The following PTCH1 variants were observed in gnomAD, a reference collection of about 807,000 sequenced individuals.
PTCH1 encodes protein patched homolog 1.
A neutral mutation model predicts 144.6 loss-of-function variants in PTCH1; 14 were observed. The ratio of observed to expected loss-of-function variants is 0.10; its 90% CI spans 0.06 to 0.15. The LOEUF is 0.15. Ranked by LOEUF, PTCH1 falls within the 10% of genes least tolerant of loss-of-function variation. The pLI, the probability that PTCH1 is intolerant of heterozygous loss-of-function variation, is 1.00. For synonymous variants in PTCH1, 833 were observed against 793.6 expected, an observed-to-expected ratio of 1.05 and a Z score of -0.83; for missense variants, 1,623 against 1,948.3, an observed-to-expected ratio of 0.83 and a Z score of 3.14.
At chr9:95,461,817 A>G (rs1279805054) in intron 16 of PTCH1, 39 bp downstream of exon 16, 1 of 1,613,024 alleles carries the variant, frequency 6.2e-7, no homozygotes, top group South Asian at 1.1e-5. Context: ...GCGGCCCCGC[A>G]GCCCTGGAAG....
intron 12 of PTCH1, chr9:95,473,964 A>G (rs1262712065): frequency 2.4e-6 from 1 of 424,272 alleles, no homozygotes; most frequent in Non-Finnish European, 4.7e-6. Flanking sequence ...TTTGAAACAG[A>G]AACACAAAAA....
chr9:95,506,330 G>A, intron 2 of PTCH1, 77 bp downstream of exon 2: 3 of 1,495,008 alleles, frequency 2.0e-6, no homozygotes, highest in Non-Finnish European at 2.7e-6. Flanking sequence ...GGCTCTAGGT[G>A]TGCGCTGGCG....
chr9:95,485,613 G>T, intron 3 of PTCH1, 72 bp downstream of exon 3: 1 of 1,570,298 alleles, frequency 6.4e-7, no homozygotes. Context: ...TAAAATAACG[G>T]GGCCTAAACC....
Position 95,459,684 on chromosome 9 carries a change from C to G in PTCH1, c.2803G>C (p.Ala935Pro), listed in dbSNP as rs1554691676. 6.2e-7 allele frequency: 1 copy of G among 1,614,202 alleles called. No individual in the cohort carries two copies. The highest frequency in any genetic ancestry group is 1.3e-5 in the African/African-American group (1 of 75,042). Residue 935 changes from alanine (A) to proline (P), a missense_variant, in exon 17 of 24, where the codon GCT becomes CCT. Around this residue, in one of 7 missense-constraint regions of PTCH1, gnomAD observed 504 missense variants for 679.3 expected, o/e 0.74. Coordinates refer to ENST00000331920, the MANE Select transcript of PTCH1 (RefSeq NM_000264.5). Reference sequence around the variant, plus strand: ...GGCCGGATGTTGGCCTGGGAGGCAGCATACGCGACGGGGTCGTTGCTGACC... The same window carrying G: ...GGCCGGATGTTGGCCTGGGAGGCAGGATACGCGACGGGGTCGTTGCTGACC... Reference protein sequence around the residue: ...AWVSNDPVAYAASQANIRPHR... With the variant: ...AWVSNDPVAYPASQANIRPHR...
upstream of PTCH1, among the ~76,000 whole-genome samples, chr9:95,509,663 TA>T (rs1164119546): frequency 6.6e-5 from 10 of 152,182 alleles, no homozygotes; most frequent in South Asian, 2.1e-4. Flanking sequence ...GGAAATGTAA[TA>T]TTTTTTTAAG....
chr9:95,498,242 G>A (rs536903255), intron 2 of PTCH1, among the ~76,000 whole-genome samples: 12 of 152,288 alleles, frequency 7.9e-5, no homozygotes, highest in African/African-American at 2.4e-4. Flanking sequence ...GCTGTGGTAT[G>A]GGGACTTGCT....
At position 95,443,254 on chromosome 9, in the gene PTCH1, C is replaced by T. The variant is rs183112519; in HGVS notation, c.*3139G>A. The T allele has an allele frequency of 4.6e-5, 7 of 152,156 alleles. No homozygotes were observed. Among genetic ancestry groups the T allele is most frequent in the African/African-American group, 1.2e-4 (5 of 41,528 alleles). 9.4% of individuals were successfully genotyped at this position (152,156 alleles called of 1,614,324 possible). A position where few individuals can be genotyped will look rare whatever the true frequency, so the allele number is the denominator to read the frequency against. On this transcript the variant is annotated 3_prime_UTR_variant, in exon 24 of 24. Coordinates refer to ENST00000331920, the MANE Select transcript of PTCH1 (RefSeq NM_000264.5). ...GCTTATACCCACTATTTATACAAAA[C>T]AAAAAGGAGGAAAACCTAAAACTCT... is the stretch of plus-strand genomic sequence containing the variant.
At chr9:95,492,918 A>G (rs911789680) in intron 2 of PTCH1, among the ~76,000 whole-genome samples, 5 of 152,158 alleles carry the variant, frequency 3.3e-5, no homozygotes. Flanking sequence ...ATGAAGGCAC[A>G]CAGAGAACAT....
intron 2 of PTCH1, among the ~76,000 whole-genome samples, chr9:95,499,359 A>G (rs940261821): frequency 1.1e-4 from 17 of 151,194 alleles, no homozygotes; most frequent in Non-Finnish European, 5.9e-5. Context: ...TTGAAATAAT[A>G]AATGTTCTCA....
At chr9:95,462,100 A>C (rs1388656769) in intron 15 of PTCH1, 102 bp from the exon 16 acceptor site, 6 of 1,367,860 alleles carry the variant, frequency 4.4e-6, no homozygotes, top group Admixed American at 3.4e-5. Flanking sequence ...GGGGGCTCTT[A>C]GACGTCCATC....
rs180688993 is a variant in PTCH1 at position 95,496,902 on chromosome 9, T to C, written c.394+9505A>G. ...TTTGTGAAGGTTGCTGGTTTCCCAG[T>C]AAAGGAGCAGAGGAAATCAGGGAGT... is the stretch of plus-strand genomic sequence containing the variant. On this transcript the variant is annotated intron_variant, in intron 2 of 23. Coordinates refer to ENST00000331920, the MANE Select transcript of PTCH1 (RefSeq NM_000264.5). Among the ~76,000 whole-genome samples the C allele has an allele frequency of 9.5e-5, 14 of 147,912 alleles. 1 individual carries two copies. The highest frequency in any genetic ancestry group is 7.4e-4 in the Admixed American group (11 of 14,846).
At chr9:95,506,983 C>A in intron 1 of PTCH1, 1 of 1,002,832 alleles carries the variant, frequency 1.0e-6, no homozygotes, top group Non-Finnish European at 1.2e-6. Context: ...CGATGGAGCC[C>A]AAGGTTCAGG....
intron 20 of PTCH1, chr9:95,451,007 G>A (rs796585546): frequency 5.9e-5 from 9 of 152,132 alleles, no homozygotes; most frequent in African/African-American, 1.7e-4. Flanking sequence ...TCTGGGAAGG[G>A]GGGGGCAAGA....
At chr9:95,482,664 C>T (rs1841643130) in intron 3 of PTCH1, 1 of 230,534 alleles carries the variant, frequency 4.3e-6, no homozygotes, top group Admixed American at 5.3e-5. Context: ...ATGAACTCTC[C>T]TGCTCTTAAC....
chr9:95,454,370 C>A (rs1478413213), intron 19 of PTCH1, among the ~76,000 whole-genome samples: 1 of 152,158 alleles, frequency 6.6e-6, no homozygotes, highest in Non-Finnish European at 1.5e-5. Context: ...TGGATTATGC[C>A]GAGAGGAGAG....
chr9:95,456,524 A>C, intron 18 of PTCH1, 111 bp from the exon 19 acceptor site: 1 of 1,384,078 alleles, frequency 7.2e-7, no homozygotes, highest in Non-Finnish European at 9.9e-7. Flanking sequence ...AAAACAATGA[A>C]TGGACTGACT....
chr9:95,477,950 C>T (rs767304468), intron 9 of PTCH1, 105 bp downstream of exon 9: 211 of 1,577,780 alleles, frequency 1.3e-4, no homozygotes, highest in Non-Finnish European at 1.8e-4. Flanking sequence ...CCTGGATGCA[C>T]ATCGATGTTA....
At chr9:95,505,220 C>T (rs571775385) in intron 2 of PTCH1, among the ~76,000 whole-genome samples, 1 of 152,180 alleles carries the variant, frequency 6.6e-6, no homozygotes, top group Non-Finnish European at 1.5e-5. Flanking sequence ...CAACAGCATC[C>T]TGAAAGGGAT....
At chr9:95,487,894 G>A (rs958241760) in intron 2 of PTCH1, among the ~76,000 whole-genome samples, 1 of 152,172 alleles carries the variant, frequency 6.6e-6, no homozygotes, top group Admixed American at 6.5e-5. Context: ...CCTTATTATG[G>A]TGACCTAGGT....
Sources: allele counts gnomAD v4.1 joint callset (sites outside exome capture counted in the v4.1 genomes callset), GRCh38; gene constraint gnomAD v4.1.1; regional missense constraint gnomAD v4.1.1; transcripts MANE v1.5; gene names NCBI Gene and HGNC (gene_info 2026-07-23, HGNC 2026-07-21).